Variants in PTPRD observed in about 807,000 individuals in gnomAD.
PTPRD encodes receptor-type tyrosine-protein phosphatase delta.
PTPRD carries 34 observed loss-of-function variants against 214.5 expected under a neutral mutation model. The ratio of observed to expected loss-of-function variants is 0.16; its 90% CI spans 0.12 to 0.21. The LOEUF is 0.21. PTPRD is among the 10% of genes least tolerant of loss of function. PTPRD has a pLI of 1.00. For synonymous variants in PTPRD, 1,128 were observed against 845.7 expected (o/e 1.33, Z -5.79); for missense variants, 2,545 against 2,398.7 (o/e 1.06, Z -1.27).
intron 2 of PTPRD, among the ~76,000 whole-genome samples, chr9:10,583,266 C>G (rs1353727588): frequency 6.6e-6 from 1 of 152,002 alleles, no homozygotes; most frequent in Non-Finnish European, 1.5e-5. Flanking sequence ...AGCGGGTGAC[C>G]TACCTTTTAG....
intron 8 of PTPRD, among the ~76,000 whole-genome samples, chr9:9,448,351 A>G (rs1002419672): frequency 1.3e-5 from 2 of 151,976 alleles, no homozygotes; most frequent in African/African-American, 4.8e-5. Flanking sequence ...AGGTGATTGG[A>G]TCATGGTGTC....
intron 2 of PTPRD, among the ~76,000 whole-genome samples, chr9:10,481,206 G>A (rs898315677): frequency 5.9e-5 from 9 of 151,952 alleles, no homozygotes; most frequent in Admixed American, 5.3e-4. Flanking sequence ...GGGCATAGAC[G>A]GTATATGGAT....
At chr9:9,184,716 G>A (rs2099930295) in intron 9 of PTPRD, among the ~76,000 whole-genome samples, 1 of 152,040 alleles carries the variant, frequency 6.6e-6, no homozygotes, top group Non-Finnish European at 1.5e-5. Context: ...CGTGGATACA[G>A]CAACTAGTTT....
At chr9:9,510,848 C>T (rs1280931171) in intron 8 of PTPRD, among the ~76,000 whole-genome samples, 1 of 151,566 alleles carries the variant, frequency 6.6e-6, no homozygotes, top group Non-Finnish European at 1.5e-5. Context: ...AATTTTTACT[C>T]ATTTTACATA....
chr9:9,592,624 A>G (rs1234538056), intron 7 of PTPRD, among the ~76,000 whole-genome samples: 1 of 151,852 alleles, frequency 6.6e-6, no homozygotes, highest in African/African-American at 2.4e-5. Context: ...GTCATTCCCT[A>G]CTCCTACAAG....
intron 11 of PTPRD, among the ~76,000 whole-genome samples, chr9:8,931,508 A>G (rs555616299): frequency 3.3e-4 from 51 of 152,242 alleles, no homozygotes; most frequent in African/African-American, 1.2e-3. Context: ...GAAAGTCATT[A>G]GTAGCTTGAT....
chr9:10,251,747 A>G (rs1010957183), intron 3 of PTPRD, among the ~76,000 whole-genome samples: 21 of 152,252 alleles, frequency 1.4e-4, no homozygotes, highest in African/African-American at 5.1e-4. Context: ...ACTTGCTCAT[A>G]TCGCAATGTG....
chr9:9,006,450 A>T (rs950049948), intron 11 of PTPRD, among the ~76,000 whole-genome samples: 4 of 152,068 alleles, frequency 2.6e-5, no homozygotes, highest in Non-Finnish European at 5.9e-5. Flanking sequence ...TACAAATTTA[A>T]TTTTAAAGAC....
intron 2 of PTPRD, among the ~76,000 whole-genome samples, chr9:10,364,968 G>T (rs570247833): frequency 6.6e-6 from 1 of 152,092 alleles, no homozygotes; most frequent in Admixed American, 6.5e-5. Context: ...GCCAATAAGC[G>T]CTGTGCTGAA....
intron 12 of PTPRD, among the ~76,000 whole-genome samples, chr9:8,704,105 C>A (rs1182573314): frequency 6.6e-6 from 1 of 152,188 alleles, no homozygotes; most frequent in African/African-American, 2.4e-5. Flanking sequence ...TCCACAGCCA[C>A]CATAAGAGTA....
chr9:10,464,711 T>G, intron 2 of PTPRD, among the ~76,000 whole-genome samples: 1 of 151,672 alleles, frequency 6.6e-6, no homozygotes, highest in Admixed American at 6.6e-5. Context: ...TTTAAATATT[T>G]TTTAAAGTAG....
intron 11 of PTPRD, among the ~76,000 whole-genome samples, chr9:8,852,079 CTT>C (rs1405062017): frequency 2.0e-5 from 3 of 151,736 alleles, no homozygotes; most frequent in African/African-American, 7.3e-5. Flanking sequence ...AAAGATGTCT[CTT>C]GTTACTTGTG....
intron 3 of PTPRD, among the ~76,000 whole-genome samples, chr9:10,084,455 A>C (rs915810656): frequency 2.0e-5 from 3 of 151,952 alleles, no homozygotes; most frequent in Non-Finnish European, 4.4e-5. Flanking sequence ...AAAATCCATG[A>C]TTAAACCAGT....
At chr9:9,694,635 T>C (rs1169934190) in intron 7 of PTPRD, among the ~76,000 whole-genome samples, 2 of 152,114 alleles carry the variant, frequency 1.3e-5, no homozygotes, top group African/African-American at 4.8e-5. Flanking sequence ...CTGATGTTGC[T>C]GACCTGATGT....
At chr9:9,245,807 T>C (rs1012432162) in intron 9 of PTPRD, among the ~76,000 whole-genome samples, 7 of 152,114 alleles carry the variant, frequency 4.6e-5, no homozygotes, top group Non-Finnish European at 8.8e-5. Context: ...CTTTGTCACA[T>C]GCCCAGGAAC....
intron 10 of PTPRD, among the ~76,000 whole-genome samples, chr9:9,072,275 C>A (rs2099744826): frequency 1.7e-5 from 2 of 117,044 alleles, no homozygotes; most frequent in African/African-American, 6.1e-5. Flanking sequence ...AAAGAGCTGG[C>A]AACTTACACA....
At chr9:9,301,098 A>G (rs887783631) in intron 9 of PTPRD, among the ~76,000 whole-genome samples, 15 of 151,826 alleles carry the variant, frequency 9.9e-5, no homozygotes, top group African/African-American at 3.4e-4. Flanking sequence ...ATAATTTAAG[A>G]TTCTTGTGAT....
intron 11 of PTPRD, among the ~76,000 whole-genome samples, chr9:8,807,270 GA>G (rs1423382524): frequency 6.6e-6 from 1 of 152,124 alleles, no homozygotes; most frequent in African/African-American, 2.4e-5. Flanking sequence ...CCGGGAGGCA[GA>G]GGTTGCAGTG....
chr9:9,375,917 A>C (rs1275293698), intron 9 of PTPRD, among the ~76,000 whole-genome samples: 1 of 152,190 alleles, frequency 6.6e-6, no homozygotes, highest in Non-Finnish European at 1.5e-5. Flanking sequence ...GGCACACTTA[A>C]AAATCGGTAA....
Sources: allele counts gnomAD v4.1 joint callset (sites outside exome capture counted in the v4.1 genomes callset), GRCh38; gene constraint gnomAD v4.1.1; transcripts MANE v1.5; gene names NCBI Gene and HGNC (gene_info 2026-07-23, HGNC 2026-07-21).